The following GAS2 variants were observed in gnomAD, a reference collection of about 807,000 sequenced individuals.
GAS2 encodes growth arrest-specific protein 2.
Under a neutral mutation model 37.5 loss-of-function variants are expected in GAS2, and 20 were observed. The observed-to-expected ratio is 0.53, with a 90% CI of 0.37 to 0.77. The LOEUF is 0.77. GAS2 is among the 30% of genes least tolerant of loss of function. The probability of loss-of-function intolerance (pLI) is 0.00; values close to 1 mark genes in which losing one functional copy is unlikely to be tolerated. For synonymous variants in GAS2, 144 were observed against 132.2 expected (o/e 1.09, Z -0.61); for missense variants, 336 against 373.4 (o/e 0.90, Z 0.82).
chr11:22,626,351 G>C (rs2133799689), intron 1 of GAS2: 1 of 156,496 alleles, frequency 6.4e-6, no homozygotes, highest in South Asian at 1.8e-4. Context: ...TATTAGAACT[G>C]AAGCCCAGAT....
chr11:22,647,404 G>A (rs368653620), intron 1 of GAS2, among the ~76,000 whole-genome samples: 11 of 152,140 alleles, frequency 7.2e-5, no homozygotes, highest in Admixed American at 4.6e-4. Flanking sequence ...TGTCTTTATA[G>A]CAGCATGATT....
intron 3 of GAS2, among the ~76,000 whole-genome samples, chr11:22,718,523 GA>G (rs1851796745): frequency 6.7e-6 from 1 of 149,788 alleles, no homozygotes; most frequent in Admixed American, 6.7e-5. Context: ...GGAAGGGTGG[GA>G]GGGGGTTGAG....
At chr11:22,707,021 G>A (rs1851159545) in intron 3 of GAS2, among the ~76,000 whole-genome samples, 1 of 152,074 alleles carries the variant, frequency 6.6e-6, no homozygotes, top group Non-Finnish European at 1.5e-5. Context: ...TTTAATGATT[G>A]CCATTCTAAC....
chr11:22,682,459 A>G (rs1565083304), intron 2 of GAS2, among the ~76,000 whole-genome samples: 3 of 152,224 alleles, frequency 2.0e-5, no homozygotes, highest in Admixed American at 6.5e-5. Context: ...TTGTAAAGAA[A>G]TAATTCAACA....
intron 1 of GAS2, among the ~76,000 whole-genome samples, chr11:22,634,249 T>C (rs337481): frequency 0.68 from 103,689 of 152,046 alleles, 39,825 homozygotes; most frequent in East Asian, 0.89. Context: ...GTCACTACCA[T>C]GAGAACATAA....
intron 7 of GAS2, among the ~76,000 whole-genome samples, chr11:22,800,707 A>G (rs1856624931): frequency 6.6e-6 from 1 of 152,110 alleles, no homozygotes; most frequent in South Asian, 2.1e-4. Context: ...GACACCTGAC[A>G]CATTTCATAC....
At chr11:22,714,461 A>G (rs1012368180) in intron 3 of GAS2, among the ~76,000 whole-genome samples, 1 of 152,190 alleles carries the variant, frequency 6.6e-6, no homozygotes, top group Non-Finnish European at 1.5e-5. Context: ...AGCACTAGAT[A>G]GATCATCAAG....
At chr11:22,663,443 AAGT>A (rs1231350015), upstream of GAS2, among the ~76,000 whole-genome samples, 7 of 152,138 alleles carry the variant, frequency 4.6e-5, no homozygotes, top group African/African-American at 1.7e-4. Context: ...AAATGAATAA[AAGT>A]AGATAAGACA....
intron 3 of GAS2, among the ~76,000 whole-genome samples, chr11:22,711,972 T>C (rs382831): frequency 0.9 from 136,165 of 152,120 alleles, 62,696 homozygotes; most frequent in East Asian, 1. Flanking sequence ...TGTGACCCTG[T>C]CCATCACCTG....
rs184280865 is a variant in GAS2 at position 22,626,228 on chromosome 11, G to A, written c.-21+415G>A. On this transcript the variant is annotated intron_variant, in intron 1 of 5. Coordinates refer to the GAS2 transcript ENST00000528582. ...GAGACATACTGTGACGTGAGGAAAC[G>A]CTCTTAAATGAAATTTTAAGATCTA... The A allele has an allele frequency of 5.7e-5, 13 of 229,918 alleles. No homozygotes were observed. The East Asian group carries it at 1.2e-3, about 21-fold the overall frequency. The allele number at this position is 229,918 out of a possible 1,614,324, so 14.2% of individuals were successfully genotyped here.
chr11:22,743,795 CA>C (rs1452059272), intron 5 of GAS2, among the ~76,000 whole-genome samples: 2 of 152,048 alleles, frequency 1.3e-5, no homozygotes, highest in African/African-American at 4.8e-5. Flanking sequence ...TAACTAAAAT[CA>C]GAGCATAACT....
intron 1 of GAS2, among the ~76,000 whole-genome samples, chr11:22,642,301 T>G (rs1034523673): frequency 6.6e-6 from 1 of 152,146 alleles, no homozygotes; most frequent in African/African-American, 2.4e-5. Context: ...ATTTGAAAAT[T>G]TTGATGAAGA....
At chr11:22,789,301 T>TAC (rs1261009948) in intron 7 of GAS2, among the ~76,000 whole-genome samples, 73 of 98,222 alleles carry the variant, frequency 7.4e-4, no homozygotes, top group African/African-American at 3.4e-3. Flanking sequence ...TATATATATA[T>TAC]ATACACACAC....
At position 22,811,907 on chromosome 11, in the gene GAS2, A is replaced by T. The variant is rs1857190133; in HGVS notation, c.833A>T (p.Asp278Val). Residue 278 changes from aspartate (D) to valine (V), a missense_variant, in exon 8 of 8, where the codon GAT (aspartate) becomes GTT (valine). Physicochemically the swap from Asp to Val is radical, Grantham distance 152. Transcript: ENST00000454584. Reference protein sequence around the residue: ...PCRMLQISRVDGKTSPIQSKS... With the variant: ...PCRMLQISRVVGKTSPIQSKS... The stretch of plus-strand genomic sequence containing the variant: ...CGAATGCTGCAGATCTCCCGTGTGG[A>T]TGGCAAAACATCCCCTATCCAAAGC... 1.9e-6 allele frequency: 3 copies of T among 1,614,010 alleles called. No individual in the cohort carries two copies. Among genetic ancestry groups the T allele is most frequent in the African/African-American group, 1.3e-5 (1 of 74,912 alleles).
chr11:22,736,828 A>G (rs1852781389), intron 4 of GAS2, among the ~76,000 whole-genome samples: 4 of 147,614 alleles, frequency 2.7e-5, no homozygotes, highest in Admixed American at 6.8e-5. Context: ...ATTTTTTCCA[A>G]TCTCTCTTAT....
rs995467358 is a variant in GAS2 at position 22,731,536 on chromosome 11, A to AT, written c.409+5112dup. The AT allele has an allele frequency of 2.6e-3, 430 of 162,600 alleles. 8 individuals carry two copies. Among genetic ancestry groups the AT allele is most frequent in the Middle Eastern group, 7.9e-3 (3 of 382 alleles). 10.1% of individuals were successfully genotyped at this position (162,600 alleles called of 1,614,324 possible). A position where few individuals can be genotyped will look rare whatever the true frequency, so the allele number is the denominator to read the frequency against. ...ATCATCCTGATGAGGAATTCTACAA[A>AT]TTTTTTTTTGTTTTGTTGAACATTG... On this transcript the variant is annotated intron_variant, in intron 4 of 7. Transcript: ENST00000454584.
At chr11:22,644,588 A>AT (rs1296446830) in intron 1 of GAS2, among the ~76,000 whole-genome samples, 9 of 152,168 alleles carry the variant, frequency 5.9e-5, no homozygotes, top group African/African-American at 2.2e-4. Context: ...ATTTAAACAG[A>AT]TACGTTGAGT....
intron 3 of GAS2, among the ~76,000 whole-genome samples, chr11:22,712,117 A>G (rs1851434196): frequency 6.6e-6 from 1 of 152,146 alleles, no homozygotes; most frequent in South Asian, 2.1e-4. Flanking sequence ...AGCAACTCAT[A>G]ACAGAACAAC....
chr11:22,697,722 C>T (rs990677169), intron 3 of GAS2, among the ~76,000 whole-genome samples: 5 of 152,114 alleles, frequency 3.3e-5, no homozygotes, highest in Non-Finnish European at 5.9e-5. Context: ...AATGGGAATT[C>T]ACTGATGATT....
Sources: allele counts gnomAD v4.1 joint callset (sites outside exome capture counted in the v4.1 genomes callset), GRCh38; gene constraint gnomAD v4.1.1; transcripts MANE v1.5; gene names NCBI Gene and HGNC (gene_info 2026-07-23, HGNC 2026-07-21).